The following FOXP1 variants were observed in gnomAD, a reference collection of about 807,000 sequenced individuals.
The protein encoded by FOXP1 is forkhead box protein P1.
FOXP1 carries 15 observed loss-of-function variants against 98.2 expected under a neutral mutation model. The ratio of observed to expected loss-of-function variants is 0.15; its 90% CI spans 0.10 to 0.24. The LOEUF (loss-of-function observed/expected upper bound fraction) is 0.24. Ranked by LOEUF, FOXP1 falls within the 10% of genes least tolerant of loss-of-function variation. FOXP1 has a pLI of 1.00. For missense variants in FOXP1, 633 were observed against 848.5 expected (o/e 0.75, Z 3.15); for synonymous variants, 371 against 314.5 (o/e 1.18, Z -1.90).
chr3:71,578,166 G>A (rs2047875789), intron 2 of FOXP1, among the ~76,000 whole-genome samples: 1 of 152,208 alleles, frequency 6.6e-6, no homozygotes, highest in Non-Finnish European at 1.5e-5. Context: ...AACAGCTCAT[G>A]CTGAATGCCT....
At chr3:71,518,322 C>T (rs2042727995) in intron 2 of FOXP1, among the ~76,000 whole-genome samples, 1 of 152,082 alleles carries the variant, frequency 6.6e-6, no homozygotes, top group Non-Finnish European at 1.5e-5. Context: ...TGAGAAAATG[C>T]AAGCTCAAGG....
chr3:71,516,121 T>G (rs1158128266), intron 2 of FOXP1, among the ~76,000 whole-genome samples: 1 of 152,236 alleles, frequency 6.6e-6, no homozygotes, highest in Non-Finnish European at 1.5e-5. Flanking sequence ...GACAACATCG[T>G]GCCACAGTCT....
intron 11 of FOXP1, among the ~76,000 whole-genome samples, chr3:71,040,105 A>G (rs975503778): frequency 4.5e-4 from 66 of 145,758 alleles, no homozygotes; most frequent in African/African-American, 1.6e-3. Flanking sequence ...GTGTGTGTGT[A>G]TGTATGTATC....
chr3:71,350,795 G>A (rs953730593), intron 4 of FOXP1, among the ~76,000 whole-genome samples: 1 of 152,142 alleles, frequency 6.6e-6, no homozygotes, highest in Non-Finnish European at 1.5e-5. Context: ...TATAGTACCC[G>A]ACGTGGTACA....
intron 6 of FOXP1, among the ~76,000 whole-genome samples, chr3:71,133,570 ACAC>A: frequency 6.6e-6 from 1 of 152,352 alleles, no homozygotes; most frequent in East Asian, 1.9e-4. Context: ...ACCAAGAACA[ACAC>A]GGAATGTTTA....
At chr3:71,498,312 C>T (rs2091552030) in intron 2 of FOXP1, among the ~76,000 whole-genome samples, 1 of 152,182 alleles carries the variant, frequency 6.6e-6, no homozygotes, top group South Asian at 2.1e-4. Flanking sequence ...CTGCTCAGTA[C>T]AAAAGTCTGC....
intron 7 of FOXP1, among the ~76,000 whole-genome samples, chr3:71,108,916 T>C (rs964705766): frequency 3.3e-5 from 5 of 152,240 alleles, no homozygotes; most frequent in African/African-American, 1.2e-4. Flanking sequence ...ATGCCCAGCC[T>C]GCTTTGGAAA....
intron 3 of FOXP1, among the ~76,000 whole-genome samples, chr3:71,433,651 T>C (rs1232362088): frequency 6.6e-6 from 1 of 152,170 alleles, no homozygotes; most frequent in Admixed American, 6.5e-5. Flanking sequence ...GGGGGCTCTA[T>C]TTTCCTCCCT....
At chr3:71,110,070 G>C (rs1359763601) in intron 7 of FOXP1, among the ~76,000 whole-genome samples, 1 of 152,082 alleles carries the variant, frequency 6.6e-6, no homozygotes, top group African/African-American at 2.4e-5. Context: ...TTTTGACACT[G>C]TCCTTGCCAA....
chr3:71,006,189 G>A (rs1328958557), intron 12 of FOXP1, among the ~76,000 whole-genome samples: 1 of 152,066 alleles, frequency 6.6e-6, no homozygotes, highest in Non-Finnish European at 1.5e-5. Flanking sequence ...TGAACGTAAT[G>A]CCAAATGAGA....
chr3:71,519,609 A>G (rs1026512403), intron 2 of FOXP1, among the ~76,000 whole-genome samples: 6 of 152,174 alleles, frequency 3.9e-5, no homozygotes, highest in African/African-American at 1.4e-4. Context: ...ACAGATCTTT[A>G]TATTTACCTA....
chr3:71,200,709 G>T (rs1042018030), intron 5 of FOXP1, among the ~76,000 whole-genome samples: 3 of 152,212 alleles, frequency 2.0e-5, no homozygotes, highest in Non-Finnish European at 4.4e-5. Flanking sequence ...TTCCAATTGT[G>T]GAAGGACATA....
chr3:71,546,405 C>T lies in FOXP1; in HGVS notation c.-298+35144G>A, dbSNP rs905684692. On this transcript the variant is annotated intron_variant, in intron 2 of 20. Transcript: ENST00000649528. Reference sequence around the variant, plus strand: ...CAAAACCGAAGAGCTATTTTCAGGTCCTTAATGGTCCAAATTTCGTGATCA... The same window carrying T: ...CAAAACCGAAGAGCTATTTTCAGGTTCTTAATGGTCCAAATTTCGTGATCA... 2.0e-5 allele frequency among the ~76,000 whole-genome samples: 3 copies of T among 152,224 alleles called. 1 individual carries two copies. In the East Asian group the frequency reaches 5.8e-4, roughly 29 times the overall value.
intron 3 of FOXP1, among the ~76,000 whole-genome samples, chr3:71,440,180 C>G (rs376773600): frequency 6.6e-6 from 1 of 152,034 alleles, no homozygotes; most frequent in Non-Finnish European, 1.5e-5. Flanking sequence ...ACTGGTTGCA[C>G]AACAATATGA....
intron 3 of FOXP1, among the ~76,000 whole-genome samples, chr3:71,438,159 A>G (rs2085551547): frequency 6.6e-6 from 1 of 152,238 alleles, no homozygotes; most frequent in African/African-American, 2.4e-5. Context: ...CACAGGAATT[A>G]CAGGAATGGA....
At chr3:71,293,591 CTAAA>C (rs1282023077) in intron 5 of FOXP1, among the ~76,000 whole-genome samples, 1 of 152,078 alleles carries the variant, frequency 6.6e-6, no homozygotes, top group Non-Finnish European at 1.5e-5. Context: ...GTCTTTACTA[CTAAA>C]TATGCCTTCA....
intron 5 of FOXP1, among the ~76,000 whole-genome samples, chr3:71,261,317 T>TA (rs888860439): frequency 1.3e-5 from 2 of 152,080 alleles, no homozygotes; most frequent in Non-Finnish European, 2.9e-5. Flanking sequence ...AATACATTAA[T>TA]AAAAAAATTA....
chr3:71,572,423 A>G (rs1324887082), intron 2 of FOXP1: 1 of 152,234 alleles, frequency 6.6e-6, no homozygotes, highest in Non-Finnish European at 1.5e-5. Context: ...CTTGTCTTGA[A>G]TTAATATCCA....
intron 5 of FOXP1, among the ~76,000 whole-genome samples, chr3:71,204,528 A>G (rs1358451600): frequency 6.6e-6 from 1 of 152,210 alleles, no homozygotes; most frequent in Non-Finnish European, 1.5e-5. Flanking sequence ...GAGGACTGCA[A>G]CAATGGAGAC....
Sources: allele counts gnomAD v4.1 joint callset (sites outside exome capture counted in the v4.1 genomes callset), GRCh38; gene constraint gnomAD v4.1.1; transcripts MANE v1.5; gene names NCBI Gene and HGNC (gene_info 2026-07-23, HGNC 2026-07-21).